RGS3: variants seen among roughly 807,000 people sequenced by gnomAD.
The protein encoded by RGS3 is regulator of G-protein signalling 3.
A neutral mutation model predicts 132.6 loss-of-function variants in RGS3; 80 were observed. The ratio of observed to expected loss-of-function variants is 0.60; its 90% CI spans 0.50 to 0.73. The LOEUF (loss-of-function observed/expected upper bound fraction) is 0.73, where lower values mean the gene tolerates loss of function less well. Among genes scored for constraint, RGS3 ranks in the 30% least tolerant of loss-of-function variants. RGS3 has a pLI of 0.00. For missense variants in RGS3, 1,382 were observed against 1,530.8 expected, an observed-to-expected ratio of 0.90 and a Z score of 1.62; for synonymous variants, 598 against 620.6, an observed-to-expected ratio of 0.96 and a Z score of 0.54.
intron 3 of RGS3, among the ~76,000 whole-genome samples, chr9:113,469,714 A>G (rs972093067): frequency 6.6e-5 from 10 of 151,974 alleles, no homozygotes; most frequent in Admixed American, 3.3e-4. Context: ...AATATTTTCT[A>G]ATTTTCATTG....
chr9:113,516,018 A>G (rs1196308175), intron 15 of RGS3, among the ~76,000 whole-genome samples: 1 of 152,276 alleles, frequency 6.6e-6, no homozygotes, highest in Non-Finnish European at 1.5e-5. Flanking sequence ...TGACTGGGTC[A>G]TGGGTCATAA....
At position 113,555,017 on chromosome 9, in the gene RGS3, T is replaced by C. The variant is rs1220857705; in HGVS notation, c.2037+18099T>C. Among the ~76,000 whole-genome samples the C allele has an allele frequency of 3.9e-5, 6 of 152,352 alleles. No homozygotes were observed. In the South Asian group the frequency reaches 8.3e-4, roughly 21 times the overall value. On this transcript the variant is annotated intron_variant, in intron 19 of 24. Transcript: ENST00000350696. ...TGTCAGATGGAACTCTTATTAATTT[T>C]TTCCCCCAAATGGTTTGACCAGTTT... is the stretch of plus-strand genomic sequence containing the variant.
At chr9:113,586,960 G>A (rs1452507891) in intron 20 of RGS3, among the ~76,000 whole-genome samples, 3 of 152,352 alleles carry the variant, frequency 2.0e-5, no homozygotes, top group Middle Eastern at 3.4e-3. Flanking sequence ...ATCATGTTAT[G>A]TGGAGGGGGA....
chr9:113,534,286 CT>C (rs1832592754), intron 18 of RGS3, among the ~76,000 whole-genome samples: 1 of 152,178 alleles, frequency 6.6e-6, no homozygotes, highest in African/African-American at 2.4e-5. Flanking sequence ...TCTAAGAGGC[CT>C]TTTCTGATCA....
intron 16 of RGS3, among the ~76,000 whole-genome samples, chr9:113,521,479 G>T: frequency 6.6e-6 from 1 of 152,172 alleles, no homozygotes; most frequent in East Asian, 1.9e-4. Context: ...ATAGAGAAAT[G>T]TGTTGTTTTG....
intron 19 of RGS3, among the ~76,000 whole-genome samples, chr9:113,578,700 G>A (rs1834649317): frequency 6.6e-6 from 1 of 152,190 alleles, no homozygotes; most frequent in Non-Finnish European, 1.5e-5. Flanking sequence ...CTAGCATTGA[G>A]TCAGGGACCT....
intron 3 of RGS3, among the ~76,000 whole-genome samples, chr9:113,464,818 C>T (rs1330965019): frequency 6.6e-6 from 1 of 152,206 alleles, no homozygotes; most frequent in Non-Finnish European, 1.5e-5. Flanking sequence ...CTTTCAAAGA[C>T]AGAGTGCCCA....
At chr9:113,504,615 C>T (rs192116798) in intron 10 of RGS3, among the ~76,000 whole-genome samples, 16 of 152,344 alleles carry the variant, frequency 1.1e-4, no homozygotes, top group African/African-American at 3.8e-4. Context: ...CCTCGTGCTC[C>T]TCTGGGAACC....
chr9:113,473,258 G>T (rs1308109941), intron 3 of RGS3, among the ~76,000 whole-genome samples: 1 of 152,240 alleles, frequency 6.6e-6, no homozygotes, highest in East Asian at 1.9e-4. Flanking sequence ...GAGTATCAAA[G>T]ACTTTGTGGA....
At chr9:113,587,926 C>T (rs1319100167) in intron 20 of RGS3, among the ~76,000 whole-genome samples, 2 of 152,256 alleles carry the variant, frequency 1.3e-5, no homozygotes, top group Non-Finnish European at 2.9e-5. Context: ...TTCCTGGCTG[C>T]TCCCTGGAGG....
At chr9:113,489,893 A>C (rs1034738714) in intron 7 of RGS3, among the ~76,000 whole-genome samples, 10 of 152,172 alleles carry the variant, frequency 6.6e-5, no homozygotes, top group African/African-American at 2.2e-4. Flanking sequence ...AACTGATAGG[A>C]GATAACAGGA....
At chr9:113,523,305 A>C (rs1312046337) in intron 17 of RGS3, among the ~76,000 whole-genome samples, 1 of 152,106 alleles carries the variant, frequency 6.6e-6, no homozygotes, top group African/African-American at 2.4e-5. Context: ...AGAGCTTTGG[A>C]TTCAGACAGA....
chr9:113,526,278 G>A (rs1235526759), intron 17 of RGS3, among the ~76,000 whole-genome samples: 2 of 152,350 alleles, frequency 1.3e-5, no homozygotes, highest in African/African-American at 4.8e-5. Flanking sequence ...CTGCTGGAAT[G>A]TTTGGAGTTA....
exon 5 of RGS3, chr9:113,483,100 T>A: frequency 6.2e-7 from 1 of 1,612,400 alleles, no homozygotes; most frequent in East Asian, 2.2e-5. Flanking sequence ...GCCTGGCACC[T>A]GTGATCCGTA....
intron 4 of RGS3, among the ~76,000 whole-genome samples, chr9:113,480,490 A>G (rs1449368139): frequency 2.0e-5 from 3 of 151,448 alleles, no homozygotes; most frequent in Admixed American, 2.0e-4. Flanking sequence ...AAAACCATAC[A>G]TTCCAAAAAT....
rs1833942281 is a variant in RGS3 at position 113,565,243 on chromosome 9, T to C, written c.2038-18207T>C. 7.8e-7 allele frequency: 1 copy of C among 1,286,082 alleles called. No individual in the cohort carries two copies. The highest frequency in any genetic ancestry group is 1.5e-5 in the African/African-American group (1 of 65,780). The allele number at this position is 1,286,082 out of a possible 1,614,324, so 79.7% of individuals were successfully genotyped here. A position where few individuals can be genotyped will look rare whatever the true frequency, so the allele number is the denominator to read the frequency against. On this transcript the variant is annotated intron_variant, in intron 19 of 24. Transcript: ENST00000350696. This position sits in a 1 kb window ranked among gnomAD's most constrained non-coding sequence, Gnocchi z 5.7. Reference sequence around the variant, plus strand: ...ACGGGCTGGCCCAGGACCCTCTTCTTTGAGACATCCCGGACTCCATCTCGG... The same window carrying C: ...ACGGGCTGGCCCAGGACCCTCTTCTCTGAGACATCCCGGACTCCATCTCGG...
At chr9:113,496,553 C>CT (rs368479213) in intron 8 of RGS3, among the ~76,000 whole-genome samples, 70 of 149,162 alleles carry the variant, frequency 4.7e-4, no homozygotes, top group African/African-American at 1.1e-3. Flanking sequence ...CTCTCTCTCT[C>CT]TTTTTTTTTT....
chr9:113,526,717 C>T (rs113278078), intron 17 of RGS3, among the ~76,000 whole-genome samples: 5,995 of 152,234 alleles, frequency 0.039, 162 homozygotes, highest in South Asian at 0.1. Flanking sequence ...ATCTCTGGGG[C>T]CCACCCAGCC....
intron 10 of RGS3, among the ~76,000 whole-genome samples, chr9:113,503,671 T>G (rs1187868624): frequency 6.6e-6 from 1 of 152,202 alleles, no homozygotes; most frequent in Non-Finnish European, 1.5e-5. Context: ...ATGGGTTTTC[T>G]ATGCAGGGGG....
Sources: gnomAD v4.1 joint callset for allele counts (sites outside exome capture counted in the v4.1 genomes callset) on GRCh38, gnomAD v4.1.1 for gene constraint, Gnocchi (gnomAD v3.1) non-coding constraint, MANE v1.5 for transcripts, NCBI Gene and HGNC (gene_info 2026-07-23, HGNC 2026-07-21) for gene names.